The following UNC45A variants were observed in gnomAD, a reference collection of about 807,000 sequenced individuals.
The protein encoded by UNC45A is unc-45 myosin chaperone A.
Under a neutral mutation model 103.2 loss-of-function variants are expected in UNC45A, and 78 were observed. That is an observed-to-expected ratio of 0.76 (90% CI 0.63 to 0.91). UNC45A has a LOEUF of 0.91. Ranked by LOEUF, UNC45A falls within the 40% of genes least tolerant of loss-of-function variation. The pLI, the probability that UNC45A is intolerant of heterozygous loss-of-function variation, is 0.00. For missense variants in UNC45A, 1,193 were observed against 1,224.8 expected, an observed-to-expected ratio of 0.97 and a Z score of 0.39; for synonymous variants, 495 against 504.6, an observed-to-expected ratio of 0.98 and a Z score of 0.25.
At chr15:90,940,506 A>G in intron 6 of UNC45A, 33 bp downstream of exon 6, 1 of 1,591,010 alleles carries the variant, frequency 6.3e-7, no homozygotes, top group Non-Finnish European at 8.6e-7. Context: ...TTACAGCTTC[A>G]GTCCCTTTGT....
upstream of UNC45A, chr15:90,932,249 G>A: frequency 1.0e-6 from 1 of 960,534 alleles, no homozygotes; most frequent in East Asian, 2.7e-5. Flanking sequence ...TACCCTCTGG[G>A]AGCCAACCGA....
chr15:90,944,191 C>G (rs1382199746), intron 8 of UNC45A, among the ~76,000 whole-genome samples: 1 of 151,748 alleles, frequency 6.6e-6, no homozygotes, highest in Non-Finnish European at 1.5e-5. Context: ...TTGAGACCAG[C>G]CTGGCCGACA....
At position 90,939,831 on chromosome 15, in the gene UNC45A, C is replaced by A. The variant is rs750218369; in HGVS notation, c.519+8C>A. 6.2e-7 allele frequency: 1 copy of A among 1,613,414 alleles called. No individual in the cohort carries two copies. Among genetic ancestry groups the A allele is most frequent in the South Asian group, 1.1e-5 (1 of 91,042 alleles). ...ACTGAGAAAAAGCAAAAGGTATAGG[C>A]CCTGGGCTGAGTCAGTGAGTGAGCT... On this transcript the variant is annotated splice_region_variant and intron_variant, in intron 5 of 19. Transcript: ENST00000418476.
intron 17 of UNC45A, among the ~76,000 whole-genome samples, chr15:90,951,997 C>G (rs565533638): frequency 3.3e-5 from 5 of 152,154 alleles, no homozygotes; most frequent in Non-Finnish European, 5.9e-5. Flanking sequence ...TCTTCTACAT[C>G]CTAATTTTGA....
At chr15:90,944,593 G>T (rs922310076) in intron 8 of UNC45A, among the ~76,000 whole-genome samples, 3 of 152,252 alleles carry the variant, frequency 2.0e-5, no homozygotes, top group Admixed American at 6.5e-5. Flanking sequence ...GTCCTATGAG[G>T]TGTGGATATT....
chr15:90,933,061 C>A (rs2035860764), upstream of UNC45A: 2 of 152,498 alleles, frequency 1.3e-5, no homozygotes, highest in Admixed American at 1.3e-4. Flanking sequence ...GCAGGGGAGT[C>A]TACCTTTGGA....
chr15:90,932,527 G>T (rs781086745), upstream of UNC45A: 2 of 1,270,098 alleles, frequency 1.6e-6, no homozygotes, highest in Non-Finnish European at 2.0e-6. Flanking sequence ...CAGCTGCGCC[G>T]CCTCAGAGCC....
At chr15:90,948,002 G>C in intron 11 of UNC45A, 112 bp downstream of exon 11, 1 of 1,492,906 alleles carries the variant, frequency 6.7e-7, no homozygotes, top group Non-Finnish European at 9.2e-7. Flanking sequence ...TCAGGCAGGG[G>C]CTGCAGTCTG....
At chr15:90,937,649 G>A (rs1040463221) in intron 4 of UNC45A, among the ~76,000 whole-genome samples, 1 of 151,884 alleles carries the variant, frequency 6.6e-6, no homozygotes, top group African/African-American at 2.4e-5. Flanking sequence ...ACCACGCCCG[G>A]CTAATTTTTT....
rs199984374 is a variant in UNC45A at position 90,940,427 on chromosome 15, C to A, written c.641C>A (p.Ala214Glu). Residue 214 changes from alanine (A) to glutamate (E), a missense_variant, in exon 6 of 20, where the codon GCG becomes GAG. Ala to Glu is a moderately radical substitution (Grantham distance 107, BLOSUM62 -1). Transcript: ENST00000418476. ...LDMGETDLML[A>E]ALRTLVGICS... The stretch of plus-strand genomic sequence containing the variant: ...ATGGGAGAGACTGACCTCATGCTGG[C>A]GGCTCTGCGTACGCTGGTTGGCATT... 3 of 1,613,978 alleles carry A rather than the reference C, an allele frequency of 1.9e-6. No individual in the cohort carries two copies. The South Asian group carries it at 3.3e-5, about 18-fold the overall frequency.
chr15:90,947,943 C>A, intron 11 of UNC45A, 53 bp downstream of exon 11: 1 of 1,548,852 alleles, frequency 6.5e-7, no homozygotes. Context: ...GATCTCAAGA[C>A]ACAGGGGTCT....
rs781275884 is a variant in UNC45A at position 90,946,848 on chromosome 15, T to C, written c.1434T>C (p.Gly478=). 1 of 1,613,484 alleles carries C rather than the reference T, an allele frequency of 6.2e-7. No homozygotes were observed. Among genetic ancestry groups the C allele is most frequent in the Non-Finnish European group, 8.5e-7 (1 of 1,179,640 alleles). The change falls in exon 10 of 20, where the codon GGT becomes GGC. Residue 478 remains glycine (G), a synonymous_variant. Coordinates refer to ENST00000418476, the MANE Select transcript of UNC45A (RefSeq NM_018671.5). The stretch of plus-strand genomic sequence containing the variant: ...GGGCCTCATTCATCACTGCCAATGG[T>C]GTCTCGCTGCTGAAGGACCTATATA... ...AKRASFITAN[G]VSLLKDLYKC...
upstream of UNC45A, chr15:90,933,038 C>A (rs1269043575): frequency 2.0e-5 from 3 of 152,604 alleles, no homozygotes; most frequent in Non-Finnish European, 2.9e-5. Flanking sequence ...TAGGGATGGG[C>A]CAGGTTCTGT....
At chr15:90,945,200 GA>G in intron 9 of UNC45A, 137 bp downstream of exon 9, 1 of 1,261,710 alleles carries the variant, frequency 7.9e-7, no homozygotes, top group Non-Finnish European at 1.1e-6. Context: ...TGAACAAAGG[GA>G]AAGTGGCCCC....
At position 90,948,226 on chromosome 15, in the gene UNC45A, G is replaced by T; in HGVS notation, c.1680G>T (p.Val560=). Residue 560 remains valine (V), a synonymous_variant, in exon 12 of 20, where the codon GTG becomes GTT. Coordinates refer to ENST00000418476, the MANE Select transcript of UNC45A (RefSeq NM_018671.5). ...GLAYLTFDAD[V]KEEFVEDAAA... ...CTTACCTGACCTTTGATGCCGACGTGAAGGAAGAGTTTGTGGAGGATGCGG... is the reference window on the plus strand; with the variant it reads ...CTTACCTGACCTTTGATGCCGACGTTAAGGAAGAGTTTGTGGAGGATGCGG... 6.2e-7 allele frequency: 1 copy of T among 1,614,146 alleles called. No individual in the cohort carries two copies. Among genetic ancestry groups the T allele is most frequent in the Non-Finnish European group, 8.5e-7 (1 of 1,180,040 alleles).
chr15:90,953,071 G>A (rs1187341550), intron 18 of UNC45A, 25 bp downstream of exon 18: 2 of 1,613,426 alleles, frequency 1.2e-6, no homozygotes, highest in Non-Finnish European at 1.7e-6. Flanking sequence ...GGGTGCTCAT[G>A]ACAGGCGGGG....
Position 90,935,557 on chromosome 15 carries a change from A to G in UNC45A, c.65A>G (p.Glu22Gly). Residue 22 changes from glutamate to glycine, a missense_variant, in exon 2 of 20, where the codon GAG becomes GGG. Physicochemically the swap from Glu to Gly is moderately conservative, Grantham distance 98. Transcript: ENST00000418476. ...RPATPGASSV[E>G]QLRKEGNELF... The stretch of plus-strand genomic sequence containing the variant: ...TTCTCTCTACAGGCCAGCTCAGTGG[A>G]GCAGCTGCGGAAGGAGGGCAATGAG... 1 of 1,606,324 alleles carries G rather than the reference A, an allele frequency of 6.2e-7. No homozygotes were observed. Among genetic ancestry groups the G allele is most frequent in the Non-Finnish European group, 8.5e-7 (1 of 1,176,406 alleles).
rs2037074925 is a variant in UNC45A, at chr15:90,953,879, T to A, written c.*163T>A. 9.6e-7 allele frequency: 1 copy of A among 1,039,810 alleles called. No homozygotes were observed. The highest frequency in any genetic ancestry group is 2.5e-5 in the Admixed American group (1 of 40,164). 64.4% of individuals were successfully genotyped at this position (1,039,810 alleles called of 1,614,324 possible). ...CCTCTGTTCTGAGTCAGCGGCCACG[T>A]TCAGTCACACAGCCCTGCTTGGCCA... is the stretch of plus-strand genomic sequence containing the variant. On this transcript the variant is annotated 3_prime_UTR_variant, in exon 20 of 20. Coordinates refer to ENST00000418476, the MANE Select transcript of UNC45A (RefSeq NM_018671.5).
chr15:90,938,797 G>A (rs562495317), intron 4 of UNC45A, among the ~76,000 whole-genome samples: 6 of 152,090 alleles, frequency 3.9e-5, no homozygotes, highest in South Asian at 4.2e-4. Context: ...TCAGCCTCCC[G>A]AGTAGCTGGG....
Sources: allele counts gnomAD v4.1 joint callset (sites outside exome capture counted in the v4.1 genomes callset), GRCh38; gene constraint gnomAD v4.1.1; transcripts MANE v1.5; gene names NCBI Gene and HGNC (gene_info 2026-07-23, HGNC 2026-07-21).